BCAS3: variants seen among roughly 807,000 people sequenced by gnomAD.
BCAS3 encodes the protein BCAS4/BCAS3 fusion.
BCAS3 carries 53 observed loss-of-function variants against 116.1 expected under a neutral mutation model. That is an observed-to-expected ratio of 0.46 (90% CI 0.37 to 0.57). The LOEUF (loss-of-function observed/expected upper bound fraction) is 0.57. Among genes scored for constraint, BCAS3 ranks in the 20% least tolerant of loss-of-function variants. BCAS3 has a pLI of 0.00. For synonymous variants in BCAS3, 391 were observed against 408.2 expected (o/e 0.96, Z 0.51); for missense variants, 917 against 1,165.4 (o/e 0.79, Z 3.10).
At chr17:61,176,164 A>AAAAGG (rs2079131754) in intron 22 of BCAS3, among the ~76,000 whole-genome samples, 1 of 149,630 alleles carries the variant, frequency 6.7e-6, no homozygotes, top group African/African-American at 2.4e-5. Context: ...AAAAAAAAGA[A>AAAAGG]AAAGAAAAAG....
chr17:61,006,682 A>G (rs1373717750), intron 15 of BCAS3, among the ~76,000 whole-genome samples: 1 of 152,074 alleles, frequency 6.6e-6, no homozygotes, highest in Non-Finnish European at 1.5e-5. Context: ...TCATTAGGCT[A>G]AAACTCCACT....
chr17:60,952,015 A>C (rs913706400), intron 14 of BCAS3, among the ~76,000 whole-genome samples: 3 of 151,000 alleles, frequency 2.0e-5, no homozygotes, highest in African/African-American at 7.3e-5. Context: ...CAGGTGATGC[A>C]CCCGCCTCAG....
At position 61,228,063 on chromosome 17, in the gene BCAS3, CT is replaced by C. The variant is rs1210356232; in HGVS notation, c.2426-140261del. 6.6e-6 allele frequency among the ~76,000 whole-genome samples: 1 copy of C among 152,156 alleles called. No homozygotes were observed. The highest frequency in any genetic ancestry group is 1.5e-5 in the Non-Finnish European group (1 of 68,038). On this transcript the variant is annotated intron_variant, in intron 22 of 23. Transcript: ENST00000407086. The surrounding 1 kb of genome is among the most constrained non-coding windows in gnomAD (Gnocchi z 5.0). Reference sequence around the variant, plus strand: ...CTGGTTTTCCTAAGAAGGCCCCTTCCTTTACACACATTCCTGCATACTCCTG... The same window carrying C: ...CTGGTTTTCCTAAGAAGGCCCCTTCCTTACACACATTCCTGCATACTCCTG...
rs984422393 is a variant in BCAS3, at chr17:61,258,555, A to C, written c.2426-109772A>C. 6.6e-6 allele frequency among the ~76,000 whole-genome samples: 1 copy of C among 152,242 alleles called. No homozygotes were observed. Among genetic ancestry groups the C allele is most frequent in the South Asian group, 2.1e-4 (1 of 4,836 alleles). On this transcript the variant is annotated intron_variant, in intron 22 of 23. Coordinates refer to ENST00000407086, the MANE Select transcript of BCAS3 (RefSeq NM_017679.5). This position sits in a 1 kb window ranked among gnomAD's most constrained non-coding sequence, Gnocchi z 4.7. ...GGTATCGTTGTGTGGATTAAATGAA[A>C]TTGCATGTAAAGTGCCTGGCACAAA...
At chr17:61,246,809 GTGTGTGTGTGTGTGTGTGTGTA>G (rs1487076924) in intron 22 of BCAS3, among the ~76,000 whole-genome samples, 1 of 151,700 alleles carries the variant, frequency 6.6e-6, no homozygotes, top group African/African-American at 2.4e-5. Flanking sequence ...GTGTGTGTGT[GTGTGTGTGTGTGTGTGTGTGTA>G]TGTGTGTGAT....
chr17:60,758,529 C>A (rs188461835), intron 6 of BCAS3, among the ~76,000 whole-genome samples: 1 of 152,078 alleles, frequency 6.6e-6, no homozygotes, highest in Non-Finnish European at 1.5e-5. Context: ...TACAGGCTCC[C>A]ACCACCACTC....
chr17:60,874,381 C>T (rs2055399811), intron 8 of BCAS3, among the ~76,000 whole-genome samples: 1 of 152,194 alleles, frequency 6.6e-6, no homozygotes, highest in African/African-American at 2.4e-5. Context: ...TGAAACAAAA[C>T]TATTAAAAGA....
intron 14 of BCAS3, among the ~76,000 whole-genome samples, chr17:60,987,964 T>C (rs1268355525): frequency 6.6e-6 from 1 of 152,144 alleles, no homozygotes; most frequent in Non-Finnish European, 1.5e-5. Context: ...TGTGGGTCCA[T>C]TGTACATGGC....
chr17:60,789,655 G>A (rs1327716475), intron 6 of BCAS3, among the ~76,000 whole-genome samples: 2 of 152,134 alleles, frequency 1.3e-5, no homozygotes, highest in African/African-American at 2.4e-5. Context: ...TAGAACAGGT[G>A]TGTGTAACGT....
Position 61,327,311 on chromosome 17 carries a change from TAAAATA to T in BCAS3, c.2426-41001_2426-40996del, listed in dbSNP as rs567149388. 1.5e-3 allele frequency among the ~76,000 whole-genome samples: 233 copies of T among 151,910 alleles called. No homozygotes were observed. Among genetic ancestry groups the T allele is most frequent in the Non-Finnish European group, 2.8e-3 (190 of 67,962 alleles). On this transcript the variant is annotated intron_variant, in intron 22 of 23. Transcript: ENST00000407086. This position sits in a 1 kb window ranked among gnomAD's most constrained non-coding sequence, Gnocchi z 5.9. ...GTGAAACTCCGTCTCAAAAATAAAA[TAAAATA>T]AAAATAAAAATAAACAAACGTTTAA...
rs566370683 is a variant in BCAS3 at position 61,253,340 on chromosome 17, G to A, written c.2426-114987G>A. 6.5e-4 allele frequency among the ~76,000 whole-genome samples: 99 copies of A among 151,542 alleles called. No homozygotes were observed. The Middle Eastern group carries it at 0.014, about 22-fold the overall frequency. On this transcript the variant is annotated intron_variant, in intron 22 of 23. Coordinates refer to ENST00000407086, the MANE Select transcript of BCAS3 (RefSeq NM_017679.5). ...GGCCGAGGCAGGCGGATCACCTGAGGTCAGGAGTTGGAGAGAATATATATA... is the reference window on the plus strand; with the variant it reads ...GGCCGAGGCAGGCGGATCACCTGAGATCAGGAGTTGGAGAGAATATATATA...
At chr17:61,179,029 A>G (rs2079315056) in intron 22 of BCAS3, among the ~76,000 whole-genome samples, 1 of 152,114 alleles carries the variant, frequency 6.6e-6, no homozygotes, top group African/African-American at 2.4e-5. Flanking sequence ...TAATGCACCA[A>G]GTGACTGGAA....
At position 61,019,461 on chromosome 17, in the gene BCAS3, C is replaced by G. The variant is rs573190823; in HGVS notation, c.1637+3560C>G. Among the ~76,000 whole-genome samples the G allele has an allele frequency of 1.3e-5, 2 of 152,228 alleles. No individual in the cohort carries two copies. Among genetic ancestry groups the G allele is most frequent in the East Asian group, 3.9e-4 (2 of 5,184 alleles). On this transcript the variant is annotated intron_variant, in intron 16 of 23. Transcript: ENST00000407086. The surrounding 1 kb of genome is among the most constrained non-coding windows in gnomAD (Gnocchi z 5.6). ...CTATAAGTTATCTAAAACATTTAAT[C>G]ATAAAGTTTTCAGAATATAATATAT...
chr17:60,951,372 A>G (rs1366805451), intron 14 of BCAS3, among the ~76,000 whole-genome samples: 2 of 152,044 alleles, frequency 1.3e-5, no homozygotes, highest in Non-Finnish European at 2.9e-5. Context: ...CATGTTTTTC[A>G]TGATATAAGT....
intron 12 of BCAS3, among the ~76,000 whole-genome samples, chr17:60,911,103 A>ATTTTTTT (rs1599625012): frequency 1.3e-5 from 1 of 75,784 alleles, no homozygotes; most frequent in African/African-American, 1.1e-4. Context: ...AGATTAATAA[A>ATTTTTTT]TTTTTTTCTT....
rs531381938 is a variant in BCAS3 at position 61,259,210 on chromosome 17, C to A, written c.2426-109117C>A. On this transcript the variant is annotated intron_variant, in intron 22 of 23. Coordinates refer to ENST00000407086, the MANE Select transcript of BCAS3 (RefSeq NM_017679.5). This position sits in a 1 kb window ranked among gnomAD's most constrained non-coding sequence, Gnocchi z 4.7. ...TAAACAGTAGTTAGTATCATCATTA[C>A]TTGTATTTACATTTTTATTTTGAAA... Among the ~76,000 whole-genome samples the A allele has an allele frequency of 4.5e-4, 68 of 152,290 alleles. No homozygotes were observed. Among genetic ancestry groups the A allele is most frequent in the African/African-American group, 1.6e-3 (65 of 41,570 alleles).
Position 61,235,536 on chromosome 17 carries a change from A to G in BCAS3, c.2426-132791A>G, listed in dbSNP as rs2082974193. ...CAAACAGATTGTGAGGTGACTACGT[A>G]GTACAGAAGTACAGTGAAATATGAG... On this transcript the variant is annotated intron_variant, in intron 22 of 23. Coordinates refer to ENST00000407086, the MANE Select transcript of BCAS3 (RefSeq NM_017679.5). The surrounding 1 kb of genome is among the most constrained non-coding windows in gnomAD (Gnocchi z 5.0). Among the ~76,000 whole-genome samples the G allele has an allele frequency of 6.6e-6, 1 of 152,236 alleles. No homozygotes were observed. Among genetic ancestry groups the G allele is most frequent in the Admixed American group, 6.5e-5 (1 of 15,286 alleles).
chr17:60,700,620 G>A (rs1276504104), intron 4 of BCAS3, among the ~76,000 whole-genome samples: 3 of 152,192 alleles, frequency 2.0e-5, no homozygotes, highest in African/African-American at 7.2e-5. Context: ...CCAATATTTA[G>A]AGACTAGGTA....
chr17:60,854,000 A>G (rs1382631000), intron 7 of BCAS3, among the ~76,000 whole-genome samples: 1 of 152,018 alleles, frequency 6.6e-6, no homozygotes, highest in Non-Finnish European at 1.5e-5. Flanking sequence ...TGCTGCACCC[A>G]TTGACTCGTC....
Sources: allele counts gnomAD v4.1 joint callset (sites outside exome capture counted in the v4.1 genomes callset), GRCh38; gene constraint gnomAD v4.1.1; non-coding constraint Gnocchi (gnomAD v3.1); transcripts MANE v1.5; gene names NCBI Gene and HGNC (gene_info 2026-07-23, HGNC 2026-07-21).